The following ZNF804B variants were observed in gnomAD, a reference collection of about 807,000 sequenced individuals.
ZNF804B encodes zinc finger protein 804B.
In ZNF804B, 80 loss-of-function variants were observed where a neutral mutation model predicts 101.4. The observed-to-expected ratio is 0.79, with a 90% CI of 0.66 to 0.95. The LOEUF (loss-of-function observed/expected upper bound fraction) is 0.95. Ranked by LOEUF, ZNF804B falls within the 40% of genes least tolerant of loss-of-function variation. The pLI is 0.00. For synonymous variants in ZNF804B, 622 were observed against 558.8 expected (o/e 1.11, Z -1.59); for missense variants, 1,673 against 1,561.9 (o/e 1.07, Z -1.20).
intron 1 of ZNF804B, among the ~76,000 whole-genome samples, chr7:89,036,678 C>T (rs1032415305): frequency 6.6e-6 from 1 of 152,018 alleles, no homozygotes; most frequent in African/African-American, 2.4e-5. Context: ...AGTGCTGAAA[C>T]AATATGGTGT....
intron 1 of ZNF804B, among the ~76,000 whole-genome samples, chr7:89,047,230 A>G (rs1360672231): frequency 4.6e-5 from 7 of 152,286 alleles, no homozygotes; most frequent in Non-Finnish European, 8.8e-5. Context: ...AAAGTTAAGG[A>G]AGTGATGTAG....
At chr7:88,966,775 A>G (rs962858528) in intron 1 of ZNF804B, among the ~76,000 whole-genome samples, 1 of 151,328 alleles carries the variant, frequency 6.6e-6, no homozygotes, top group Admixed American at 6.6e-5. Flanking sequence ...CACACACACA[A>G]ACACACACAA....
intron 1 of ZNF804B, among the ~76,000 whole-genome samples, chr7:88,839,605 A>G (rs1391834599): frequency 6.6e-6 from 1 of 152,096 alleles, no homozygotes; most frequent in African/African-American, 2.4e-5. Flanking sequence ...ATCCATCTAT[A>G]AGCTTATTTG....
At chr7:89,127,879 TTTG>T (rs146752942) in intron 1 of ZNF804B, among the ~76,000 whole-genome samples, 14,308 of 151,614 alleles carry the variant, frequency 0.094, 733 homozygotes, top group Middle Eastern at 0.14. Context: ...TTAAAATCCA[TTTG>T]TATCTGTAAG....
At chr7:89,239,882 A>G (rs1342732771) in intron 2 of ZNF804B, among the ~76,000 whole-genome samples, 1 of 151,474 alleles carries the variant, frequency 6.6e-6, no homozygotes, top group East Asian at 1.9e-4. Context: ...CTAGTGTTTC[A>G]TTGAAATAAC....
At chr7:89,321,363 C>T (rs976455551) in intron 2 of ZNF804B, among the ~76,000 whole-genome samples, 1 of 152,168 alleles carries the variant, frequency 6.6e-6, no homozygotes, top group Admixed American at 6.5e-5. Context: ...CCTGTAGTCC[C>T]AGCTACTCAG....
intron 1 of ZNF804B, among the ~76,000 whole-genome samples, chr7:88,816,701 T>C (rs1470073399): frequency 7.0e-6 from 1 of 142,960 alleles, no homozygotes; most frequent in Non-Finnish European, 1.5e-5. Context: ...TCACACCAGT[T>C]AGAATGGCGA....
At chr7:88,981,742 A>T (rs753747160) in intron 1 of ZNF804B, among the ~76,000 whole-genome samples, 1 of 151,790 alleles carries the variant, frequency 6.6e-6, no homozygotes, top group African/African-American at 2.4e-5. Context: ...TCTGCCCTCT[A>T]TTGCTTTCCT....
chr7:88,837,553 C>A (rs528868941), intron 1 of ZNF804B, among the ~76,000 whole-genome samples: 1 of 151,904 alleles, frequency 6.6e-6, no homozygotes, highest in Non-Finnish European at 1.5e-5. Context: ...GTGGAATATA[C>A]AATTTAATAT....
chr7:89,214,404 ATTCT>A (rs747147626), intron 1 of ZNF804B, among the ~76,000 whole-genome samples: 25 of 152,280 alleles, frequency 1.6e-4, no homozygotes, highest in East Asian at 1.9e-4. Context: ...TGTATCTATA[ATTCT>A]TTCTTTATTT....
intron 1 of ZNF804B, among the ~76,000 whole-genome samples, chr7:88,887,651 C>A (rs1792148439): frequency 6.6e-6 from 1 of 151,886 alleles, no homozygotes; most frequent in Admixed American, 6.6e-5. Context: ...AAATAATGAG[C>A]CCTTTCCATA....
chr7:88,846,564 T>G (rs1221614256), intron 1 of ZNF804B, among the ~76,000 whole-genome samples: 1 of 152,164 alleles, frequency 6.6e-6, no homozygotes, highest in African/African-American at 2.4e-5. Flanking sequence ...AGATATGACC[T>G]GGAGAAAAAT....
Position 89,222,510 on chromosome 7 carries a change from G to C in ZNF804B, c.249+4215G>C, listed in dbSNP as rs754488056. Among the ~76,000 whole-genome samples, 6 of 151,882 alleles carry C rather than the reference G, an allele frequency of 4.0e-5. No homozygotes were observed. In the South Asian group the frequency reaches 1.2e-3, roughly 31 times the overall value. On this transcript the variant is annotated intron_variant, in intron 2 of 3. Transcript: ENST00000333190. ...TGCTTGATGACTGATTTTGGAAAGG[G>C]TCTGAACTGCTTATCATGCTATTCA... is the stretch of plus-strand genomic sequence containing the variant.
At chr7:89,153,603 A>T (rs1790911548) in intron 1 of ZNF804B, among the ~76,000 whole-genome samples, 1 of 152,084 alleles carries the variant, frequency 6.6e-6, no homozygotes. Flanking sequence ...AGCAAAGAAA[A>T]ATTTAACATT....
At chr7:88,983,911 A>C (rs2116138769) in intron 1 of ZNF804B, among the ~76,000 whole-genome samples, 1 of 152,158 alleles carries the variant, frequency 6.6e-6, no homozygotes, top group East Asian at 1.9e-4. Flanking sequence ...TTAATATGCT[A>C]TATCTGACAA....
chr7:88,935,244 A>G (rs1562836695), intron 1 of ZNF804B, among the ~76,000 whole-genome samples: 1 of 151,886 alleles, frequency 6.6e-6, no homozygotes, highest in African/African-American at 2.4e-5. Context: ...GTGAAGGCAT[A>G]AGAATGATAC....
intron 1 of ZNF804B, among the ~76,000 whole-genome samples, chr7:88,807,058 A>T (rs1790703059): frequency 1.3e-5 from 2 of 152,230 alleles, no homozygotes; most frequent in Admixed American, 1.3e-4. Flanking sequence ...GACTTAAAAA[A>T]TGAAAAATCC....
At chr7:88,873,723 T>C (rs563833039) in intron 1 of ZNF804B, among the ~76,000 whole-genome samples, 1 of 152,246 alleles carries the variant, frequency 6.6e-6, no homozygotes, top group South Asian at 2.1e-4. Context: ...TTATTAAATA[T>C]GGAATCCCTT....
chr7:88,767,494 A>G (rs1790002266), intron 1 of ZNF804B, among the ~76,000 whole-genome samples: 1 of 152,176 alleles, frequency 6.6e-6, no homozygotes, highest in African/African-American at 2.4e-5. Flanking sequence ...GGCTATATGC[A>G]TTTTCTTTTT....
Sources: allele counts gnomAD v4.1 joint callset (sites outside exome capture counted in the v4.1 genomes callset), GRCh38; gene constraint gnomAD v4.1.1; transcripts MANE v1.5; gene names NCBI Gene and HGNC (gene_info 2026-07-23, HGNC 2026-07-21).